The following DHRSX variants were observed in gnomAD, a reference collection of about 807,000 sequenced individuals.
DHRSX encodes the protein dehydrogenase/reductase X-linked.
A neutral mutation model predicts 34.0 loss-of-function variants in DHRSX; 31 were observed. That is an observed-to-expected ratio of 0.91 (90% confidence interval 0.69 to 1.23). DHRSX has a LOEUF of 1.23. Among genes scored for constraint, DHRSX ranks in the 50% most tolerant of loss-of-function variants. DHRSX has a pLI of 0.00. For missense variants in DHRSX, 414 were observed against 428.1 expected (o/e 0.97, Z 0.29); for synonymous variants, 201 against 183.8 (o/e 1.09, Z -0.76).
chrX:2,405,912 A>T (rs2043548251), intron 3 of DHRSX, among the ~76,000 whole-genome samples: 1 of 94,530 alleles, frequency 1.1e-5, no homozygotes, highest in Admixed American at 1.3e-4. Context: ...TTAAAAAAAA[A>T]AAAAAAATAA....
Position 2,309,149 on chromosome X carries a change from A to G in DHRSX, c.287-17546T>C, listed in dbSNP as rs767755707. ...ATTAGGTCTAATCAGACCAATAGCT[A>G]TAAGAAAAATAGAGAAGAATAATGA... is the stretch of plus-strand genomic sequence containing the variant. On this transcript the variant is annotated intron_variant, in intron 3 of 6. Transcript: ENST00000334651. 5.3e-5 allele frequency among the ~76,000 whole-genome samples: 8 copies of G among 152,280 alleles called. No individual in the cohort carries two copies. The South Asian group carries it at 8.3e-4, about 16-fold the overall frequency.
chrX:2,488,717 C>T (rs767151014), intron 1 of DHRSX: 1 of 1,613,922 alleles, frequency 6.2e-7, no homozygotes, highest in East Asian at 2.2e-5. Flanking sequence ...CTGGTCCAGG[C>T]CCCACTCCCC....
intron 6 of DHRSX, among the ~76,000 whole-genome samples, chrX:2,233,820 T>A (rs34827470): frequency 0.81 from 123,100 of 151,980 alleles, 50,169 homozygotes; most frequent in East Asian, 0.95. Flanking sequence ...TCAAGTGTAC[T>A]AAATAGAGCC....
intron 5 of DHRSX, among the ~76,000 whole-genome samples, chrX:2,254,662 T>G (rs182398565): frequency 2.1e-4 from 32 of 152,288 alleles, no homozygotes; most frequent in East Asian, 3.9e-4. Flanking sequence ...TTGTTTGTTT[T>G]TTTGAAACAG....
intron 2 of DHRSX, among the ~76,000 whole-genome samples, chrX:2,424,461 T>C (rs1391638654): frequency 1.3e-5 from 2 of 151,896 alleles, no homozygotes; most frequent in African/African-American, 4.8e-5. Flanking sequence ...CACTGTGATA[T>C]TGAACCTCCA....
At chrX:2,415,284 T>C (rs990026088) in intron 2 of DHRSX, among the ~76,000 whole-genome samples, 1 of 151,386 alleles carries the variant, frequency 6.6e-6, no homozygotes, top group Non-Finnish European at 1.5e-5. Context: ...TACAACTAGA[T>C]TTCATTATGA....
chrX:2,359,122 A>G (rs921494784), intron 3 of DHRSX, among the ~76,000 whole-genome samples: 1 of 152,228 alleles, frequency 6.6e-6, no homozygotes, highest in Admixed American at 6.5e-5. Context: ...AAGGTGGCAG[A>G]CAAAAAGGAA....
At chrX:2,269,426 G>A (rs73185734) in intron 4 of DHRSX, among the ~76,000 whole-genome samples, 1 of 152,202 alleles carries the variant, frequency 6.6e-6, no homozygotes, top group Non-Finnish European at 1.5e-5. Context: ...TATAGGCCTA[G>A]CATTTCTCTA....
chrX:2,388,065 T>G (rs1239983908), intron 3 of DHRSX, among the ~76,000 whole-genome samples: 1 of 151,970 alleles, frequency 6.6e-6, no homozygotes, highest in Non-Finnish European at 1.5e-5. Flanking sequence ...CTGATCAGCC[T>G]CAGGGCTTGA....
intron 5 of DHRSX, among the ~76,000 whole-genome samples, chrX:2,244,805 G>A (rs1042471878): frequency 7.2e-5 from 11 of 151,904 alleles, no homozygotes; most frequent in African/African-American, 2.2e-4. Context: ...TCCTCCTCTC[G>A]GGTTCAAGTC....
At chrX:2,440,868 T>C (rs2044054106) in intron 1 of DHRSX, among the ~76,000 whole-genome samples, 1 of 152,178 alleles carries the variant, frequency 6.6e-6, no homozygotes, top group Non-Finnish European at 1.5e-5. Flanking sequence ...CTCCCCTTCA[T>C]ATACACATCA....
chrX:2,401,540 A>G (rs1217106259), intron 3 of DHRSX, among the ~76,000 whole-genome samples: 2 of 152,208 alleles, frequency 1.3e-5, no homozygotes, highest in Non-Finnish European at 2.9e-5. Context: ...CTTAGGATTT[A>G]GGATTACAGG....
intron 3 of DHRSX, among the ~76,000 whole-genome samples, chrX:2,364,554 G>A (rs2042975755): frequency 6.6e-6 from 1 of 151,954 alleles, no homozygotes; most frequent in Non-Finnish European, 1.5e-5. Context: ...AATATCTATC[G>A]ACCTATTTAC....
At chrX:2,305,225 G>A (rs2042085013) in intron 3 of DHRSX, among the ~76,000 whole-genome samples, 1 of 151,980 alleles carries the variant, frequency 6.6e-6, no homozygotes, top group East Asian at 1.9e-4. Context: ...CAGGGAGGGG[G>A]AGAGCATCAG....
intron 6 of DHRSX, among the ~76,000 whole-genome samples, chrX:2,236,285 T>C (rs1312746235): frequency 1.3e-5 from 2 of 151,948 alleles, no homozygotes; most frequent in Non-Finnish European, 2.9e-5. Flanking sequence ...CTTCGGAGGT[T>C]TTGGCGCAGG....
At chrX:2,328,079 C>CAAAAAAAAAAAAAAAAA (rs35824420) in intron 3 of DHRSX, among the ~76,000 whole-genome samples, 2 of 118,526 alleles carry the variant, frequency 1.7e-5, no homozygotes, top group African/African-American at 3.4e-5. Context: ...GACTCCGTCT[C>CAAAAAAAAAAAAAAAAA]AAAAAAAAAA....
intron 3 of DHRSX, among the ~76,000 whole-genome samples, chrX:2,294,952 T>C (rs2041914905): frequency 6.6e-6 from 1 of 152,060 alleles, no homozygotes; most frequent in African/African-American, 2.4e-5. Context: ...TTTGGAGAAA[T>C]AGGAACATTT....
intron 1 of DHRSX, among the ~76,000 whole-genome samples, chrX:2,458,703 C>A (rs2044348682): frequency 1.3e-5 from 2 of 152,096 alleles, no homozygotes; most frequent in South Asian, 2.1e-4. Flanking sequence ...AAGAACATAA[C>A]ATTTCAGTTG....
At chrX:2,365,478 T>A (rs1235362829) in intron 3 of DHRSX, among the ~76,000 whole-genome samples, 4 of 152,140 alleles carry the variant, frequency 2.6e-5, no homozygotes, top group Admixed American at 2.6e-4. Flanking sequence ...CTTTGACCTT[T>A]ACTTCTTTCT....
Sources: allele counts gnomAD v4.1 joint callset (sites outside exome capture counted in the v4.1 genomes callset), GRCh38; gene constraint gnomAD v4.1.1; transcripts MANE v1.5; gene names NCBI Gene and HGNC (gene_info 2026-07-23, HGNC 2026-07-21).